Variants in PKIB observed in about 807,000 individuals in gnomAD.
PKIB encodes the protein cAMP-dependent protein kinase inhibitor beta, also known as PKI-beta.
PKIB carries 2 observed loss-of-function variants against 4.5 expected under a neutral mutation model. The ratio of observed to expected loss-of-function variants is 0.44; its 90% CI spans 0.18 to 1.39. The LOEUF is 1.39. Ranked by LOEUF, PKIB falls within the 40% of genes most tolerant of loss-of-function variation. PKIB has a pLI of 0.27. For missense variants in PKIB, 94 were observed against 92.6 expected, an observed-to-expected ratio of 1.02 and a Z score of -0.06; for synonymous variants, 38 against 36.0, an observed-to-expected ratio of 1.06 and a Z score of -0.20.
At chr6:122,645,574 T>C (rs757440339) in intron 2 of PKIB, among the ~76,000 whole-genome samples, 10 of 152,140 alleles carry the variant, frequency 6.6e-5, no homozygotes, top group Non-Finnish European at 1.3e-4. Flanking sequence ...GATAAACAGA[T>C]AGATATGTTC....
At chr6:122,574,025 A>G (rs541820530) in intron 2 of PKIB, among the ~76,000 whole-genome samples, 11 of 152,324 alleles carry the variant, frequency 7.2e-5, no homozygotes, top group Admixed American at 4.6e-4. Context: ...AGAAAACCCC[A>G]AAGACCCATC....
chr6:122,499,196 C>T (rs974773386), intron 2 of PKIB, among the ~76,000 whole-genome samples: 3 of 152,194 alleles, frequency 2.0e-5, no homozygotes, highest in Non-Finnish European at 4.4e-5. Flanking sequence ...AACAGGGACT[C>T]TTCTCTAACA....
intron 2 of PKIB, among the ~76,000 whole-genome samples, chr6:122,539,094 G>A (rs1006415447): frequency 1.5e-4 from 23 of 152,002 alleles, no homozygotes; most frequent in African/African-American, 5.3e-4. Context: ...GAGACAATGG[G>A]GTTTTCTAGA....
chr6:122,477,021 T>C (rs541655119), intron 1 of PKIB, among the ~76,000 whole-genome samples: 1 of 152,328 alleles, frequency 6.6e-6, no homozygotes, highest in East Asian at 1.9e-4. Flanking sequence ...AAATTTTTTG[T>C]AGATGTATTA....
At chr6:122,543,502 C>T (rs1381788939) in intron 2 of PKIB, among the ~76,000 whole-genome samples, 1 of 151,894 alleles carries the variant, frequency 6.6e-6, no homozygotes, top group Non-Finnish European at 1.5e-5. Flanking sequence ...GCTTCAGCCT[C>T]CCAAGTAGCT....
intron 2 of PKIB, among the ~76,000 whole-genome samples, chr6:122,637,265 G>A (rs1015701637): frequency 1.3e-5 from 2 of 152,084 alleles, no homozygotes; most frequent in Admixed American, 1.3e-4. Flanking sequence ...TTTGAAAATT[G>A]CTTTTTCTTG....
chr6:122,574,441 G>A (rs1264708598), intron 2 of PKIB, among the ~76,000 whole-genome samples: 1 of 151,958 alleles, frequency 6.6e-6, no homozygotes, highest in Admixed American at 6.6e-5. Context: ...TCACAAAAGA[G>A]CCTATAGCCA....
intron 2 of PKIB, among the ~76,000 whole-genome samples, chr6:122,582,637 T>C (rs964987148): frequency 1.3e-5 from 2 of 152,084 alleles, no homozygotes; most frequent in African/African-American, 4.8e-5. Flanking sequence ...TATGTTCTTA[T>C]AACAGAAGCT....
chr6:122,658,024 A>G (rs1242415094), intron 2 of PKIB, among the ~76,000 whole-genome samples: 1 of 152,210 alleles, frequency 6.6e-6, no homozygotes, highest in Non-Finnish European at 1.5e-5. Context: ...TAAGATATAC[A>G]CTAAAATTAA....
chr6:122,554,139 C>T (rs949183723), intron 2 of PKIB, among the ~76,000 whole-genome samples: 3 of 152,174 alleles, frequency 2.0e-5, no homozygotes, highest in Non-Finnish European at 4.4e-5. Context: ...GCTGGCATTT[C>T]CCTGAGCTGG....
chr6:122,622,673 G>A (rs1490093925), intron 1 of PKIB, among the ~76,000 whole-genome samples: 20 of 151,270 alleles, frequency 1.3e-4, no homozygotes, highest in Non-Finnish European at 1.5e-5. Context: ...CAATGCTCTA[G>A]TGGTGCTTCA....
intron 2 of PKIB, among the ~76,000 whole-genome samples, chr6:122,520,883 T>C (rs1487352250): frequency 6.6e-6 from 1 of 152,242 alleles, no homozygotes; most frequent in African/African-American, 2.4e-5. Context: ...GAGAGCATTT[T>C]CTGCATCCTA....
At chr6:122,597,840 A>ATTT (rs1191231527) in intron 3 of PKIB, among the ~76,000 whole-genome samples, 2 of 152,094 alleles carry the variant, frequency 1.3e-5, no homozygotes, top group Non-Finnish European at 2.9e-5. Context: ...GAGTCTGGGG[A>ATTT]CCAACTGGAC....
At chr6:122,591,295 G>C (rs1287738913) in intron 3 of PKIB, among the ~76,000 whole-genome samples, 1 of 151,808 alleles carries the variant, frequency 6.6e-6, no homozygotes, top group Non-Finnish European at 1.5e-5. Flanking sequence ...AATAACTGAA[G>C]GGCTACTGGA....
intron 4 of PKIB, among the ~76,000 whole-genome samples, chr6:122,718,547 A>G (rs1442107405): frequency 6.6e-6 from 1 of 152,178 alleles, no homozygotes; most frequent in Admixed American, 6.5e-5. Context: ...AAAAAAACAA[A>G]ACAAAACCCT....
chr6:122,513,026 A>G (rs1041531003), intron 2 of PKIB, among the ~76,000 whole-genome samples: 1 of 152,150 alleles, frequency 6.6e-6, no homozygotes, highest in Non-Finnish European at 1.5e-5. Flanking sequence ...TGAATGTCTC[A>G]CAGACACTTT....
chr6:122,607,309 A>T (rs1035942897), upstream of PKIB, among the ~76,000 whole-genome samples: 9 of 151,910 alleles, frequency 5.9e-5, no homozygotes, highest in East Asian at 1.7e-3. Context: ...CCCCGTCTCT[A>T]CAAAAAAACA....
chr6:122,653,523 T>C (rs1271819166), intron 2 of PKIB, among the ~76,000 whole-genome samples: 1 of 111,672 alleles, frequency 9.0e-6, no homozygotes, highest in Non-Finnish European at 1.8e-5. Context: ...TTTCTGATGT[T>C]TTATCATTCA....
intron 2 of PKIB, among the ~76,000 whole-genome samples, chr6:122,518,745 G>A (rs1292707005): frequency 6.6e-6 from 1 of 152,000 alleles, no homozygotes; most frequent in Non-Finnish European, 1.5e-5. Flanking sequence ...AAGGAGTGAA[G>A]AAGAATTAAG....
Sources: allele counts gnomAD v4.1 joint callset (sites outside exome capture counted in the v4.1 genomes callset), GRCh38; gene constraint gnomAD v4.1.1; transcripts MANE v1.5; gene names NCBI Gene and HGNC (gene_info 2026-07-23, HGNC 2026-07-21).